Variants in DLG2 observed in about 807,000 individuals in gnomAD.
DLG2 encodes discs large MAGUK scaffold protein 2.
In DLG2, 45 loss-of-function variants were observed where a neutral mutation model predicts 132.5. The observed-to-expected ratio is 0.34, with a 90% CI of 0.27 to 0.44. The LOEUF (loss-of-function observed/expected upper bound fraction) is 0.44. DLG2 is among the 20% of genes least tolerant of loss of function. DLG2 has a pLI of 1.00. For missense variants in DLG2, 1,045 were observed against 1,196.9 expected, an observed-to-expected ratio of 0.87 and a Z score of 1.87; for synonymous variants, 424 against 419.6, an observed-to-expected ratio of 1.01 and a Z score of -0.13.
At chr11:85,495,484 A>G (rs974165606) in intron 3 of DLG2, among the ~76,000 whole-genome samples, 1 of 152,208 alleles carries the variant, frequency 6.6e-6, no homozygotes, top group Non-Finnish European at 1.5e-5. Flanking sequence ...ATATGAATAG[A>G]CACTTCTCAA....
At chr11:85,401,027 A>C (rs570818461) in intron 3 of DLG2, among the ~76,000 whole-genome samples, 3 of 151,246 alleles carry the variant, frequency 2.0e-5, no homozygotes, top group Admixed American at 2.0e-4. Flanking sequence ...GCAGAGACAT[A>C]ACAAAAAAAA....
chr11:84,449,323 C>T (rs1327857971), intron 7 of DLG2, among the ~76,000 whole-genome samples: 3 of 151,834 alleles, frequency 2.0e-5, no homozygotes, highest in Admixed American at 2.0e-4. Context: ...ATCCTGCCAC[C>T]TACATAAAAC....
At chr11:84,999,344 C>T (rs1262805566) in intron 6 of DLG2, among the ~76,000 whole-genome samples, 2 of 152,054 alleles carry the variant, frequency 1.3e-5, no homozygotes, top group East Asian at 3.9e-4. Context: ...ATCAAGATGG[C>T]AAATTTTCTG....
intron 6 of DLG2, among the ~76,000 whole-genome samples, chr11:85,074,608 G>T (rs2154168720): frequency 6.6e-6 from 1 of 151,948 alleles, no homozygotes; most frequent in Non-Finnish European, 1.5e-5. Flanking sequence ...GTTAACAGTA[G>T]AAGAATACTG....
At chr11:85,508,610 G>C (rs538665380) in intron 3 of DLG2, among the ~76,000 whole-genome samples, 1 of 151,998 alleles carries the variant, frequency 6.6e-6, no homozygotes, top group Admixed American at 6.6e-5. Flanking sequence ...TTTGTTAACT[G>C]ATATATCTCT....
chr11:84,138,999 G>C (rs1338422706), intron 9 of DLG2, among the ~76,000 whole-genome samples: 1 of 149,556 alleles, frequency 6.7e-6, no homozygotes, highest in African/African-American at 2.5e-5. Flanking sequence ...CAATGGAAAA[G>C]GCTGGGTTTT....
At position 84,263,653 on chromosome 11, in the gene DLG2, G is replaced by GA. The variant is rs574271362; in HGVS notation, c.520-12363dup. 4.6e-5 allele frequency among the ~76,000 whole-genome samples: 7 copies of GA among 151,822 alleles called. No individual in the cohort carries two copies. In the South Asian group the frequency reaches 8.3e-4, roughly 18 times the overall value. On this transcript the variant is annotated intron_variant, in intron 7 of 27. Transcript: ENST00000376104. ...CCATTTTCTATAAGGTATAACTCCAGAAAAAAAATCCCTCTGCCTTCATTT... is the reference window on the plus strand; with the variant it reads ...CCATTTTCTATAAGGTATAACTCCAGAAAAAAAAATCCCTCTGCCTTCATTT...
intron 6 of DLG2, among the ~76,000 whole-genome samples, chr11:85,075,489 T>A (rs951785575): frequency 7.2e-5 from 11 of 151,832 alleles, no homozygotes; most frequent in Admixed American, 2.6e-4. Context: ...ATGTGGTAAA[T>A]CCAAATATGG....
chr11:84,167,171 TG>T (rs1287252125), intron 8 of DLG2, among the ~76,000 whole-genome samples: 1 of 152,202 alleles, frequency 6.6e-6, no homozygotes, highest in Non-Finnish European at 1.5e-5. Flanking sequence ...TTAAGATACT[TG>T]ATTTTTCTGA....
intron 6 of DLG2, among the ~76,000 whole-genome samples, chr11:85,036,121 A>C (rs533024876): frequency 6.6e-6 from 1 of 152,356 alleles, no homozygotes; most frequent in South Asian, 2.1e-4. Context: ...TGCCTATCTC[A>C]AAATGTTATC....
intron 18 of DLG2, among the ~76,000 whole-genome samples, chr11:83,697,256 T>C (rs571042160): frequency 1.3e-5 from 2 of 152,270 alleles, no homozygotes; most frequent in African/African-American, 4.8e-5. Flanking sequence ...AATATTAAAT[T>C]TGCTACTTAA....
chr11:84,840,859 A>T (rs2080554054), intron 6 of DLG2, among the ~76,000 whole-genome samples: 1 of 151,948 alleles, frequency 6.6e-6, no homozygotes, highest in African/African-American at 2.4e-5. Flanking sequence ...GGGCAGGGGG[A>T]GGGATAGCAT....
chr11:83,485,754 T>A (rs1490706685), intron 21 of DLG2, among the ~76,000 whole-genome samples: 1 of 152,160 alleles, frequency 6.6e-6, no homozygotes, highest in Non-Finnish European at 1.5e-5. Flanking sequence ...AAATAACTTA[T>A]CTTCTTTGTA....
intron 18 of DLG2, among the ~76,000 whole-genome samples, chr11:83,770,327 G>C (rs2094344009): frequency 6.9e-6 from 1 of 145,000 alleles, no homozygotes; most frequent in South Asian, 2.2e-4. Context: ...TTGTAAACCA[G>C]TTAAAAAGTT....
At chr11:85,111,466 A>G (rs563663191) in intron 6 of DLG2, among the ~76,000 whole-genome samples, 195 bp downstream of exon 6, 2 of 152,242 alleles carry the variant, frequency 1.3e-5, no homozygotes, top group South Asian at 2.1e-4. Flanking sequence ...CCTGACTCCA[A>G]CAAAATGCAT....
chr11:84,986,222 A>C (rs2056473967), intron 6 of DLG2, among the ~76,000 whole-genome samples: 1 of 152,094 alleles, frequency 6.6e-6, no homozygotes, highest in East Asian at 1.9e-4. Flanking sequence ...AAATTCCTGG[A>C]AACATACAAC....
intron 15 of DLG2, among the ~76,000 whole-genome samples, chr11:83,882,861 T>G (rs562355216): frequency 3.3e-5 from 5 of 152,144 alleles, no homozygotes; most frequent in African/African-American, 1.2e-4. Flanking sequence ...CATGGGAGAA[T>G]TTGGAGTCTT....
At chr11:83,463,891 G>T (rs189358457) in intron 26 of DLG2, among the ~76,000 whole-genome samples, 4 of 152,298 alleles carry the variant, frequency 2.6e-5, no homozygotes, top group Non-Finnish European at 1.5e-5. Flanking sequence ...CAATGACTTA[G>T]TTTAGGTTTT....
intron 18 of DLG2, among the ~76,000 whole-genome samples, chr11:83,688,985 T>C (rs1198890408): frequency 1.3e-5 from 2 of 152,142 alleles, no homozygotes; most frequent in Non-Finnish European, 1.5e-5. Flanking sequence ...CACTACATTA[T>C]TACGTTGAAT....
Sources: gnomAD v4.1 joint callset for allele counts (sites outside exome capture counted in the v4.1 genomes callset) on GRCh38, gnomAD v4.1.1 for gene constraint, MANE v1.5 for transcripts, NCBI Gene and HGNC (gene_info 2026-07-23, HGNC 2026-07-21) for gene names.